Variants in SIK2 observed in about 807,000 individuals in gnomAD.
The protein encoded by SIK2 is salt inducible kinase 2, also known as serine/threonine-protein kinase SIK2.
Under a neutral mutation model 103.2 loss-of-function variants are expected in SIK2, and 29 were observed. The ratio of observed to expected loss-of-function variants is 0.28; its 90% confidence interval spans 0.21 to 0.38. The LOEUF is 0.38. SIK2 is among the 10% of genes least tolerant of loss of function. The pLI, the probability that SIK2 is intolerant of heterozygous loss-of-function variation, is 1.00. For missense variants in SIK2, 879 were observed against 1,171.0 expected, an observed-to-expected ratio of 0.75 and a Z score of 3.64; for synonymous variants, 412 against 446.1, an observed-to-expected ratio of 0.92 and a Z score of 0.96.
intron 1 of SIK2, among the ~76,000 whole-genome samples, chr11:111,611,085 AATGTGTGTGTGTGTGTGTGT>A (rs1278014911): frequency 1.5e-5 from 2 of 134,732 alleles, no homozygotes; most frequent in Non-Finnish European, 3.1e-5. Context: ...CTCTCGACCA[AATGTGTGTGTGTGTGTGTGT>A]GTGTGTGTGT....
chr11:111,694,759 C>A (rs1943030628), intron 4 of SIK2, among the ~76,000 whole-genome samples: 1 of 152,166 alleles, frequency 6.6e-6, no homozygotes, highest in South Asian at 2.1e-4. Context: ...CCACAGTAAG[C>A]TGGGAATATG....
chr11:111,673,810 C>T (rs1942660554), intron 3 of SIK2, among the ~76,000 whole-genome samples: 1 of 152,110 alleles, frequency 6.6e-6, no homozygotes. Context: ...CGTGGTGGTT[C>T]ACACCTGTAA....
At chr11:111,652,705 A>G (rs1276618563) in intron 3 of SIK2, among the ~76,000 whole-genome samples, 4 of 152,200 alleles carry the variant, frequency 2.6e-5, no homozygotes, top group African/African-American at 9.6e-5. Flanking sequence ...ACCATGTGGC[A>G]AGTACTCTAC....
chr11:111,688,984 G>GT lies in SIK2; in HGVS notation c.478+823dup, dbSNP rs1199634371. 1.3e-5 allele frequency among the ~76,000 whole-genome samples: 2 copies of GT among 152,186 alleles called. No homozygotes were observed. The highest frequency in any genetic ancestry group is 3.8e-4 in the East Asian group (2 of 5,198). On this transcript the variant is annotated intron_variant, in intron 4 of 14. Transcript: ENST00000304987. The surrounding 1 kb of genome is among the most constrained non-coding windows in gnomAD (Gnocchi z 4.2). The stretch of plus-strand genomic sequence containing the variant: ...GGGAGTATAGGTGAGGGAACAAGCA[G>GT]TCTACCTGAAGAGTCAGGGAAGCTT...
At chr11:111,642,423 T>C (rs1044717666) in intron 3 of SIK2, among the ~76,000 whole-genome samples, 1 of 152,270 alleles carries the variant, frequency 6.6e-6, no homozygotes, top group African/African-American at 2.4e-5. Context: ...GAAAACAGTT[T>C]ACTTACATGC....
At chr11:111,692,556 G>A (rs941452446) in intron 4 of SIK2, among the ~76,000 whole-genome samples, 28 of 151,908 alleles carry the variant, frequency 1.8e-4, no homozygotes, top group African/African-American at 6.3e-4. Context: ...CAGGAGAGGC[G>A]GGCATGGGCC....
intron 3 of SIK2, among the ~76,000 whole-genome samples, chr11:111,621,319 C>T (rs1941882773): frequency 6.6e-6 from 1 of 152,134 alleles, no homozygotes. Context: ...TGGAATTATA[C>T]AGGATATACT....
At chr11:111,714,755 G>A (rs1943592131) in intron 9 of SIK2, among the ~76,000 whole-genome samples, 2 of 152,170 alleles carry the variant, frequency 1.3e-5, no homozygotes, top group African/African-American at 2.4e-5. Context: ...AGCTCAGTGC[G>A]AGGCTGCCAC....
intron 4 of SIK2, among the ~76,000 whole-genome samples, chr11:111,690,152 G>T (rs1942910484): frequency 6.6e-6 from 1 of 151,546 alleles, no homozygotes; most frequent in Admixed American, 6.6e-5. Context: ...CTTCCATTTG[G>T]TGTCATTTAT....
At chr11:111,672,579 T>A (rs12282809) in intron 3 of SIK2, among the ~76,000 whole-genome samples, 5,307 of 152,272 alleles carry the variant, frequency 0.035, 307 homozygotes, top group African/African-American at 0.12. Context: ...TTAAATTATT[T>A]TTTTTTTCCT....
At chr11:111,642,543 C>G (rs74704873) in intron 3 of SIK2, among the ~76,000 whole-genome samples, 4,839 of 152,274 alleles carry the variant, frequency 0.032, 247 homozygotes, top group African/African-American at 0.11. Flanking sequence ...GCCACCCTCC[C>G]AGCACCTCAG....
intron 2 of SIK2, among the ~76,000 whole-genome samples, chr11:111,618,860 A>G (rs1371184196): frequency 1.3e-5 from 2 of 152,124 alleles, no homozygotes; most frequent in South Asian, 2.1e-4. Context: ...CCCCTCCCCA[A>G]GTAGCTGGGA....
At chr11:111,692,383 A>G (rs1012582967) in intron 4 of SIK2, among the ~76,000 whole-genome samples, 1 of 134,842 alleles carries the variant, frequency 7.4e-6, no homozygotes, top group Non-Finnish European at 1.6e-5. Context: ...AAAAAAAAAA[A>G]AAAAACACAA....
intron 4 of SIK2, among the ~76,000 whole-genome samples, chr11:111,700,488 T>C (rs1943188403): frequency 6.6e-6 from 1 of 152,248 alleles, no homozygotes; most frequent in Non-Finnish European, 1.5e-5. Context: ...CTTAGAGCTT[T>C]ACTCATTTGT....
chr11:111,712,331 G>A lies in SIK2; in HGVS notation c.1222G>A (p.Ala408Thr), dbSNP rs762756451. 6.2e-7 allele frequency: 1 copy of A among 1,614,184 alleles called. No individual in the cohort carries two copies. Among genetic ancestry groups the A allele is most frequent in the South Asian group, 1.1e-5 (1 of 91,082 alleles). The change falls in exon 9 of 15, where the codon GCG becomes ACG. Residue 408 changes from alanine (A) to threonine (T), a missense_variant. Around this residue, in one of 7 missense-constraint regions of SIK2, gnomAD observed 222 missense variants for 258.0 expected, o/e 0.86. Transcript: ENST00000304987. ...TTCATTTCCAGCATCTGGCTGTCAG[G>A]CGGAAGCTGCATTCATGGAAGAAGA... ...AFSFPASGCQ[A>T]EAAFMEEECV...
Position 111,705,167 on chromosome 11 carries a change from T to C in SIK2, c.1101+28T>C. 2.0e-6 allele frequency: 3 copies of C among 1,536,206 alleles called. No individual in the cohort carries two copies. Among genetic ancestry groups the C allele is most frequent in the Non-Finnish European group, 1.7e-6 (2 of 1,152,570 alleles). ...AATGCCCCCTTAGCTGAGAGTCTTATCTGTGCATGTGCCTGTTCACATGTT... is the reference window on the plus strand; with the variant it reads ...AATGCCCCCTTAGCTGAGAGTCTTACCTGTGCATGTGCCTGTTCACATGTT... On this transcript the variant is annotated intron_variant, in intron 8 of 14. Coordinates refer to ENST00000304987, the MANE Select transcript of SIK2 (RefSeq NM_015191.3). This position sits in a 1 kb window ranked among gnomAD's most constrained non-coding sequence, Gnocchi z 4.3.
At chr11:111,639,564 A>G (rs1302989222) in intron 3 of SIK2, among the ~76,000 whole-genome samples, 1 of 152,230 alleles carries the variant, frequency 6.6e-6, no homozygotes, top group Non-Finnish European at 1.5e-5. Flanking sequence ...TAAGTCAAAC[A>G]TGCTTATTTT....
chr11:111,721,424 C>T (rs1276544447), intron 12 of SIK2, among the ~76,000 whole-genome samples: 2 of 152,202 alleles, frequency 1.3e-5, no homozygotes, highest in Non-Finnish European at 2.9e-5. Flanking sequence ...AGAAGCTTCT[C>T]ACCACTACTT....
intron 2 of SIK2, among the ~76,000 whole-genome samples, chr11:111,618,420 T>C (rs1055272590): frequency 2.0e-5 from 3 of 152,218 alleles, no homozygotes; most frequent in Admixed American, 6.5e-5. Flanking sequence ...CATTGGCTTA[T>C]GATATGCCTC....
Sources: allele counts gnomAD v4.1 joint callset (sites outside exome capture counted in the v4.1 genomes callset), GRCh38; gene constraint gnomAD v4.1.1; regional missense constraint gnomAD v4.1.1; non-coding constraint Gnocchi (gnomAD v3.1); transcripts MANE v1.5; gene names NCBI Gene and HGNC (gene_info 2026-07-23, HGNC 2026-07-21).